Variants in ACTR2 observed in about 807,000 individuals in gnomAD.
ACTR2 encodes the protein actin related protein 2, also known as actin-related protein 2.
In ACTR2, 5 loss-of-function variants were observed where a neutral mutation model predicts 50.2. The observed-to-expected ratio is 0.10, with a 90% CI of 0.05 to 0.21. The LOEUF (loss-of-function observed/expected upper bound fraction) is 0.21. Among genes scored for constraint, ACTR2 ranks in the 10% least tolerant of loss-of-function variants. The probability of loss-of-function intolerance (pLI) is 1.00; values close to 1 mark genes in which losing one functional copy is unlikely to be tolerated. For missense variants in ACTR2, 180 were observed against 480.6 expected (o/e 0.37, Z 5.85); for synonymous variants, 140 against 162.9 (o/e 0.86, Z 1.07).
chr2:65,228,160 A>C, intron 1 of ACTR2: 1 of 438,510 alleles, frequency 2.3e-6, no homozygotes, highest in Non-Finnish European at 3.9e-6. Context: ...TTAGCCTGCC[A>C]CCCCCTCACC....
intron 2 of ACTR2, 58 bp from the exon 3 acceptor site, chr2:65,246,466 C>A (rs1344788448): frequency 4.2e-6 from 5 of 1,177,718 alleles, no homozygotes; most frequent in Non-Finnish European, 6.0e-6. Flanking sequence ...TAATTATTCC[C>A]AAGTTTTCTT....
chr2:65,227,927 G>A lies in ACTR2; in HGVS notation c.18G>A (p.Arg6=). 3 of 1,526,040 alleles carry A rather than the reference G, an allele frequency of 2.0e-6. No homozygotes were observed. The highest frequency in any genetic ancestry group is 2.6e-6 in the Non-Finnish European group (3 of 1,137,640). The allele number at this position is 1,526,040 out of a possible 1,614,324, so 94.5% of individuals were successfully genotyped here. A position where few individuals can be genotyped will look rare whatever the true frequency, so the allele number is the denominator to read the frequency against. MDSQG[R]KVVVCDNGTG... ...GGCGGACGATGGACAGCCAGGGCAGGAAGGTGGTGGTGTGCGACAACGGCA... is the reference window on the plus strand; with the variant it reads ...GGCGGACGATGGACAGCCAGGGCAGAAAGGTGGTGGTGTGCGACAACGGCA... Residue 6 remains arginine (R), a synonymous_variant, in exon 1 of 9, where the codon AGG becomes AGA. Coordinates refer to ENST00000260641, the MANE Select transcript of ACTR2 (RefSeq NM_005722.4).
chr2:65,237,769 C>G (rs1021490668), intron 1 of ACTR2, among the ~76,000 whole-genome samples: 6 of 152,128 alleles, frequency 3.9e-5, no homozygotes, highest in Non-Finnish European at 5.9e-5. Context: ...AGGTGGACCA[C>G]TTGAGGTCAG....
rs1306941268 is a variant in ACTR2, at chr2:65,261,316, C to T, written c.805C>T (p.His269Tyr). ...AGCACCAGAAGCTTTATTTCAGCCT[C>T]ACTTGATCAATGTTGAAGGAGTTGG... ...FEAPEALFQP[H>Y]LINVEGVGVA... The change falls in exon 7 of 9, where the codon CAC (histidine) becomes TAC (tyrosine). Residue 269 changes from histidine to tyrosine, a missense_variant. Transcript: ENST00000260641. 6.2e-7 allele frequency: 1 copy of T among 1,614,098 alleles called. No individual in the cohort carries two copies. The highest frequency in any genetic ancestry group is 8.5e-7 in the Non-Finnish European group (1 of 1,180,010).
chr2:65,247,429 A>G (rs1671960010), intron 3 of ACTR2, among the ~76,000 whole-genome samples: 1 of 151,918 alleles, frequency 6.6e-6, no homozygotes, highest in Admixed American at 6.6e-5. Flanking sequence ...TCTACTAAAA[A>G]TACAAAAAAT....
chr2:65,230,403 A>ATTTT (rs11299935), intron 1 of ACTR2, among the ~76,000 whole-genome samples: 7 of 78,178 alleles, frequency 9.0e-5, no homozygotes, highest in East Asian at 3.9e-4. Flanking sequence ...ACCGAAGCTG[A>ATTTT]TTTTTTTTTT....
chr2:65,248,148 C>G (rs1573157492), intron 3 of ACTR2, among the ~76,000 whole-genome samples: 1 of 152,240 alleles, frequency 6.6e-6, no homozygotes, highest in East Asian at 1.9e-4. Context: ...GGCCTGTAAT[C>G]CCAGCACTTC....
intron 7 of ACTR2, 124 bp downstream of exon 7, chr2:65,261,516 A>C: frequency 1.0e-6 from 1 of 984,832 alleles, no homozygotes; most frequent in Non-Finnish European, 1.4e-6. Context: ...TACTTGAAAT[A>C]ATTTCAGACT....
chr2:65,245,229 T>G (rs1422215569), intron 2 of ACTR2, among the ~76,000 whole-genome samples: 2 of 152,060 alleles, frequency 1.3e-5, no homozygotes, highest in Non-Finnish European at 2.9e-5. Context: ...TTTTAAAACA[T>G]CTCATGTTGG....
chr2:65,239,035 A>G (rs144569234), intron 1 of ACTR2, among the ~76,000 whole-genome samples: 218 of 152,344 alleles, frequency 1.4e-3, no homozygotes, highest in Middle Eastern at 0.01. Flanking sequence ...ATTAGTTTAA[A>G]TGACACTTGG....
chr2:65,259,785 G>A (rs1318812536), intron 6 of ACTR2, among the ~76,000 whole-genome samples: 2 of 152,088 alleles, frequency 1.3e-5, no homozygotes, highest in African/African-American at 2.4e-5. Context: ...AATTAATTCT[G>A]GTATCTCATG....
intron 7 of ACTR2, among the ~76,000 whole-genome samples, chr2:65,263,967 A>G (rs942351587): frequency 1.3e-5 from 2 of 152,194 alleles, no homozygotes; most frequent in Admixed American, 1.3e-4. Context: ...AGGCAGGAGA[A>G]TGGCGTGAAC....
At chr2:65,234,759 T>TTAC (rs1415192280) in intron 1 of ACTR2, among the ~76,000 whole-genome samples, 1 of 152,194 alleles carries the variant, frequency 6.6e-6, no homozygotes, top group East Asian at 1.9e-4. Flanking sequence ...ATTTCTCACT[T>TTAC]AGTAAACTTA....
chr2:65,244,220 T>G (rs1309378681), intron 2 of ACTR2, among the ~76,000 whole-genome samples: 1 of 152,154 alleles, frequency 6.6e-6, no homozygotes. Context: ...AAAAAGTAAA[T>G]TTCTGTTGAA....
At chr2:65,268,495 A>C in intron 8 of ACTR2, 69 bp from the exon 9 acceptor site, 1 of 1,424,086 alleles carries the variant, frequency 7.0e-7, no homozygotes, top group Non-Finnish European at 9.5e-7. Flanking sequence ...TATATTTAAA[A>C]AGCCATTTTC....
chr2:65,238,655 T>TA lies in ACTR2; in HGVS notation c.49-1178dup, dbSNP rs34932093. On this transcript the variant is annotated intron_variant, in intron 1 of 8. Transcript: ENST00000260641. ...CCCTGGGCGACAGAGCGAGACTGTC[T>TA]AAAAAAAAAAAAAAAAAAAGTAAAT... Among the ~76,000 whole-genome samples, 406 of 107,834 alleles carry TA rather than the reference T, an allele frequency of 3.8e-3. 4 individuals carry two copies. In the East Asian group the frequency reaches 0.039, roughly 10 times the overall value. The allele number at this position is 107,834 out of a possible 152,430, so 70.7% of individuals were successfully genotyped here. A position where few individuals can be genotyped will look rare whatever the true frequency, so the allele number is the denominator to read the frequency against.
Position 65,269,234 on chromosome 2 carries a change from C to T in ACTR2, c.*500C>T, listed in dbSNP as rs180714852. 1.4e-3 allele frequency: 218 copies of T among 151,838 alleles called. 2 individuals carry two copies. Among genetic ancestry groups the T allele is most frequent in the African/African-American group, 5.0e-3 (206 of 41,320 alleles). 9.4% of individuals were successfully genotyped at this position (151,838 alleles called of 1,614,324 possible). On this transcript the variant is annotated 3_prime_UTR_variant, in exon 9 of 9. Transcript: ENST00000260641. ...AACTGTACTGCTGCAGCTTTAAGTA[C>T]CTTAAAGCTTCTCCTGTGAACTTCT...
At chr2:65,230,262 T>A (rs1332403345) in intron 1 of ACTR2, among the ~76,000 whole-genome samples, 2 of 152,172 alleles carry the variant, frequency 1.3e-5, no homozygotes, top group Non-Finnish European at 2.9e-5. Flanking sequence ...GTTTTGTGAT[T>A]GTGTCAGATA....
chr2:65,229,782 A>G (rs1180579803), intron 1 of ACTR2, among the ~76,000 whole-genome samples: 2 of 151,858 alleles, frequency 1.3e-5, no homozygotes, highest in African/African-American at 4.8e-5. Context: ...GAAAAACAAA[A>G]CATATTAATG....
Sources: gnomAD v4.1 joint callset for allele counts (sites outside exome capture counted in the v4.1 genomes callset) on GRCh38, gnomAD v4.1.1 for gene constraint, MANE v1.5 for transcripts, NCBI Gene and HGNC (gene_info 2026-07-23, HGNC 2026-07-21) for gene names.